The following XRCC1 variants were observed in gnomAD, a reference collection of about 807,000 sequenced individuals.
The protein encoded by XRCC1 is DNA repair protein XRCC1.
Under a neutral mutation model 83.3 loss-of-function variants are expected in XRCC1, and 52 were observed. The ratio of observed to expected loss-of-function variants is 0.62; its 90% CI spans 0.50 to 0.79. The LOEUF (loss-of-function observed/expected upper bound fraction) is 0.79. XRCC1 is among the 30% of genes least tolerant of loss of function. The pLI, the probability that XRCC1 is intolerant of heterozygous loss-of-function variation, is 0.00. For missense variants in XRCC1, 793 were observed against 823.5 expected, an observed-to-expected ratio of 0.96 and a Z score of 0.45; for synonymous variants, 281 against 312.6, an observed-to-expected ratio of 0.90 and a Z score of 1.07.
chr19:43,549,974 C>CCCAT (rs1972559179), intron 10 of XRCC1, among the ~76,000 whole-genome samples: 1 of 152,022 alleles, frequency 6.6e-6, no homozygotes, highest in South Asian at 2.1e-4. Context: ...ATAGCACCAG[C>CCCAT]CCATCCCCTC....
chr19:43,546,959 TG>T lies in XRCC1; in HGVS notation c.1217del (p.Pro406GlnfsTer63). The T allele has an allele frequency of 6.2e-7, 1 of 1,613,930 alleles. No homozygotes were observed. The highest frequency in any genetic ancestry group is 1.1e-5 in the South Asian group (1 of 91,074). On this transcript the variant is annotated frameshift_variant, in exon 11 of 17. Coordinates refer to ENST00000262887, the MANE Select transcript of XRCC1 (RefSeq NM_006297.3). LOFTEE classifies it high-confidence loss of function. The part of the protein sequence containing the change: ...LPSQRYLMAG[P>X]GSSSEEDEAS... ...CCTCATCCTCCTCACTGCTGGAACCTGGCCCTGCCATGAGGTACCTAGGGGA... is the reference window on the plus strand; with the variant it reads ...CCTCATCCTCCTCACTGCTGGAACCTGCCCTGCCATGAGGTACCTAGGGGA...
At chr19:43,548,967 CAAAT>C (rs1471899058) in intron 10 of XRCC1, among the ~76,000 whole-genome samples, 1 of 151,980 alleles carries the variant, frequency 6.6e-6, no homozygotes, top group Non-Finnish European at 1.5e-5. Context: ...TATGCAGACA[CAAAT>C]GAATGTATTA....
chr19:43,552,752 C>G, intron 8 of XRCC1, 45 bp downstream of exon 8: 1 of 1,530,018 alleles, frequency 6.5e-7, no homozygotes, highest in Non-Finnish European at 8.8e-7. Flanking sequence ...CCCTAGGACA[C>G]AGGAGCACAG....
At chr19:43,563,996 C>T (rs1251131676) in intron 2 of XRCC1, among the ~76,000 whole-genome samples, 2 of 152,174 alleles carry the variant, frequency 1.3e-5, no homozygotes, top group Admixed American at 6.5e-5. Context: ...TGATTTCCTG[C>T]TGTGTGATCC....
intron 2 of XRCC1, among the ~76,000 whole-genome samples, chr19:43,561,802 G>A (rs1236756094): frequency 6.6e-6 from 1 of 152,180 alleles, no homozygotes; most frequent in Non-Finnish European, 1.5e-5. Context: ...GTTGAGGCAA[G>A]TGTCCTGCCT....
intron 2 of XRCC1, among the ~76,000 whole-genome samples, chr19:43,571,268 C>T (rs1280547484): frequency 6.6e-6 from 1 of 152,184 alleles, no homozygotes; most frequent in Non-Finnish European, 1.5e-5. Context: ...CACAAGCCAG[C>T]TTCAGAGTCT....
At position 43,552,038 on chromosome 19, in the gene XRCC1, G is replaced by T. The variant is rs1241469214; in HGVS notation, c.1061C>A (p.Thr354Asn). ...CTACATGAGGTGCGTGCTGTCCCGG[G>T]TCCAGTCTGGCCGATACTTGGCCCC... ...ELGAKYRPDWTRDSTHLICAF... is the reference protein window; with the variant it reads ...ELGAKYRPDWNRDSTHLICAF... The change falls in exon 9 of 17, where the codon ACC becomes AAC. Residue 354 changes from threonine (T) to asparagine (N), a missense_variant. Physicochemically the swap from Thr to Asn is moderately conservative, Grantham distance 65. Transcript: ENST00000262887. 6.2e-7 allele frequency: 1 copy of T among 1,614,074 alleles called. No individual in the cohort carries two copies.
Position 43,546,609 on chromosome 19 carries a change from T to G in XRCC1, c.1412A>C (p.Glu471Ala). ...SPVLQEDIDI[E>A]GVQSEGQDNG... ...CAGAGTCTGACCTGACTGTACCCCC[T>G]CAATGTCTATATCTTCCTGGAGCAC... Residue 471 changes from glutamate to alanine, a missense_variant, in exon 12 of 17, where the codon GAG (glutamate) becomes GCG (alanine). By Grantham distance (107) the Glu-to-Ala change is moderately radical. Transcript: ENST00000262887. The G allele has an allele frequency of 6.2e-7, 1 of 1,609,850 alleles. No homozygotes were observed. Among genetic ancestry groups the G allele is most frequent in the Admixed American group, 1.7e-5 (1 of 58,366 alleles).
rs1233840021 is a variant in XRCC1 at position 43,560,894 on chromosome 19, T to A, written c.255+16A>T. The stretch of plus-strand genomic sequence containing the variant: ...GGCAGAGGTCAGTATGGGATCCATC[T>A]CATAGCCCTGCTTACCTCATAGTCT... On this transcript the variant is annotated intron_variant, in intron 3 of 16. Coordinates refer to ENST00000262887, the MANE Select transcript of XRCC1 (RefSeq NM_006297.3). 6.9e-6 allele frequency: 11 copies of A among 1,600,346 alleles called. No individual in the cohort carries two copies. The highest frequency in any genetic ancestry group is 9.4e-6 in the Non-Finnish European group (11 of 1,167,614).
At position 43,544,182 on chromosome 19, in the gene XRCC1, C is replaced by T. The variant is rs771241315; in HGVS notation, c.1674G>A (p.Glu558=). Residue 558 remains glutamate (E), a synonymous_variant, in exon 15 of 17, where the codon GAG becomes GAA. Coordinates refer to ENST00000262887, the MANE Select transcript of XRCC1 (RefSeq NM_006297.3). ...FFLYGEFPGD[E]RRKLIRYVTA... ...TGACGTATCGGATGAGTTTCCGCCGCTCGTCCCCAGGGAACTCCCCGTAAA... is the reference window on the plus strand; with the variant it reads ...TGACGTATCGGATGAGTTTCCGCCGTTCGTCCCCAGGGAACTCCCCGTAAA... The T allele has an allele frequency of 2.5e-6, 4 of 1,611,042 alleles. No homozygotes were observed. Among genetic ancestry groups the T allele is most frequent in the African/African-American group, 2.7e-5 (2 of 74,858 alleles).
chr19:43,549,461 A>G (rs1972554050), intron 10 of XRCC1, among the ~76,000 whole-genome samples: 1 of 152,132 alleles, frequency 6.6e-6, no homozygotes, highest in Non-Finnish European at 1.5e-5. Context: ...GGGTTTTACC[A>G]TGTTGGCCAG....
At position 43,575,392 on chromosome 19, in the gene XRCC1, C is replaced by A. The variant is rs760415575; in HGVS notation, c.51+16G>T. The A allele has an allele frequency of 1.3e-6, 2 of 1,592,458 alleles. No homozygotes were observed. The highest frequency in any genetic ancestry group is 2.2e-5 in the South Asian group (2 of 89,704). The stretch of plus-strand genomic sequence containing the variant: ...TTCCCTCACGTCTTCCAACCTCCCC[C>A]ATGCAGGTCCCTCACCGAGTCCTGG... On this transcript the variant is annotated intron_variant, in intron 1 of 16. Transcript: ENST00000262887.
At chr19:43,569,401 G>A (rs552344036) in intron 2 of XRCC1, among the ~76,000 whole-genome samples, 18 of 151,890 alleles carry the variant, frequency 1.2e-4, no homozygotes, top group East Asian at 1.9e-4. Flanking sequence ...GCTTGAGCCC[G>A]GGAGGTCGAG....
At chr19:43,567,029 G>A (rs949361034) in intron 2 of XRCC1, among the ~76,000 whole-genome samples, 1 of 152,136 alleles carries the variant, frequency 6.6e-6, no homozygotes, top group Admixed American at 6.6e-5. Context: ...CTACAACATG[G>A]ATGAACCTCA....
At position 43,550,106 on chromosome 19, in the gene XRCC1, C is replaced by A. The variant is rs534662094; in HGVS notation, c.1199+1465G>T. On this transcript the variant is annotated intron_variant, in intron 10 of 16. Transcript: ENST00000262887. ...AAACCTTCTGTGACTCCCCTCTGCT[C>A]ACAAGAGGAGGCCTCTGGAGCTGGA... Among the ~76,000 whole-genome samples the A allele has an allele frequency of 3.3e-5, 5 of 152,084 alleles. No homozygotes were observed. The South Asian group carries it at 1.0e-3, about 31-fold the overall frequency.
intron 15 of XRCC1, 112 bp from the exon 16 acceptor site, chr19:43,543,799 C>A: frequency 1.0e-6 from 1 of 972,410 alleles, no homozygotes; most frequent in East Asian, 2.5e-5. Flanking sequence ...CTATGCGCCT[C>A]TAGGTTGCCT....
intron 2 of XRCC1, among the ~76,000 whole-genome samples, chr19:43,563,571 TCCACCAG>T (rs1288003738): frequency 1.3e-5 from 2 of 152,042 alleles, no homozygotes; most frequent in Non-Finnish European, 2.9e-5. Flanking sequence ...TTGGTGACTT[TCCACCAG>T]CCACAACGGC....
Position 43,543,431 on chromosome 19 carries a change from TA to T in XRCC1, c.1862del (p.Leu621TyrfsTer34). The T allele has an allele frequency of 6.2e-7, 1 of 1,611,268 alleles. No individual in the cohort carries two copies. Among genetic ancestry groups the T allele is most frequent in the East Asian group, 2.2e-5 (1 of 44,692 alleles). ...WIYSCNEKQK[L>X]LPHQLYGVVP... is the part of the protein sequence containing the mutation. ...CCACCCCATAGAGCTGGTGAGGAAGTAACTTCTGCTTCTCATTGCAACTGTA... is the reference window on the plus strand; with the variant it reads ...CCACCCCATAGAGCTGGTGAGGAAGTACTTCTGCTTCTCATTGCAACTGTA... On this transcript the variant is annotated frameshift_variant, in exon 17 of 17. Transcript: ENST00000262887. LOFTEE classifies it high-confidence loss of function.
chr19:43,544,370 A>T, intron 14 of XRCC1, 136 bp from the exon 15 acceptor site: 1 of 738,640 alleles, frequency 1.4e-6, no homozygotes, highest in African/African-American at 1.8e-5. Flanking sequence ...CAGGCAGTGG[A>T]CCCTGCCCAG....
Sources: allele counts gnomAD v4.1 joint callset (sites outside exome capture counted in the v4.1 genomes callset), GRCh38; gene constraint gnomAD v4.1.1; transcripts MANE v1.5; gene names NCBI Gene and HGNC (gene_info 2026-07-23, HGNC 2026-07-21).